The following TNR variants were observed in gnomAD, a reference collection of about 807,000 sequenced individuals.
TNR encodes the protein tenascin R.
Under a neutral mutation model 150.4 loss-of-function variants are expected in TNR, and 45 were observed. The ratio of observed to expected loss-of-function variants is 0.30; its 90% CI spans 0.24 to 0.38. TNR has a LOEUF of 0.38. Ranked by LOEUF, TNR falls within the 10% of genes least tolerant of loss-of-function variation. TNR has a pLI of 1.00. For synonymous variants in TNR, 687 were observed against 678.4 expected (o/e 1.01, Z -0.20); for missense variants, 1,544 against 1,759.1 (o/e 0.88, Z 2.19).
chr1:175,478,498 T>C (rs936234021), intron 2 of TNR, among the ~76,000 whole-genome samples: 5 of 152,160 alleles, frequency 3.3e-5, no homozygotes, highest in African/African-American at 1.2e-4. Flanking sequence ...TCAATCACCT[T>C]TGAGGTGTGG....
chr1:175,423,591 G>T (rs941738554), intron 2 of TNR, among the ~76,000 whole-genome samples: 1 of 152,146 alleles, frequency 6.6e-6, no homozygotes, highest in Non-Finnish European at 1.5e-5. Flanking sequence ...ATATTTCTTG[G>T]TTTTTCCTGT....
chr1:175,669,931 C>A (rs1327244803), intron 1 of TNR, among the ~76,000 whole-genome samples: 1 of 152,208 alleles, frequency 6.6e-6, no homozygotes, highest in Non-Finnish European at 1.5e-5. Flanking sequence ...ACAGGAAGAA[C>A]CTCAGGGTCA....
At chr1:175,371,601 A>G (rs1652107964) in intron 9 of TNR, among the ~76,000 whole-genome samples, 1 of 152,230 alleles carries the variant, frequency 6.6e-6, no homozygotes, top group African/African-American at 2.4e-5. Context: ...GAAGTAAAAA[A>G]TGAAGACTTT....
intron 1 of TNR, among the ~76,000 whole-genome samples, chr1:175,705,077 G>A (rs897075875): frequency 6.6e-5 from 10 of 152,146 alleles, no homozygotes; most frequent in African/African-American, 2.4e-4. Context: ...AAACGTGAGC[G>A]CCTGGTGTGA....
rs543054038 is a variant in TNR, at chr1:175,630,517, G to T, written c.-164-102148C>A. On this transcript the variant is annotated intron_variant, in intron 1 of 22. Coordinates refer to ENST00000367674, the MANE Select transcript of TNR (RefSeq NM_003285.3). The stretch of plus-strand genomic sequence containing the variant: ...CTTCACTACTGGTCTACAGCAATCT[G>T]CAAGGGTTCAGGATGTGACTCCACT... 9.8e-5 allele frequency among the ~76,000 whole-genome samples: 15 copies of T among 152,312 alleles called. No homozygotes were observed. In the South Asian group the frequency reaches 3.1e-3, roughly 32 times the overall value.
intron 4 of TNR, among the ~76,000 whole-genome samples, chr1:175,399,029 A>G (rs1278614393): frequency 6.6e-6 from 1 of 152,190 alleles, no homozygotes; most frequent in Non-Finnish European, 1.5e-5. Flanking sequence ...TACAATTTAG[A>G]CAGCAGGTTA....
At chr1:175,526,010 G>GT (rs1659834762) in intron 2 of TNR, among the ~76,000 whole-genome samples, 6 of 141,362 alleles carry the variant, frequency 4.2e-5, no homozygotes, top group African/African-American at 1.4e-4. Context: ...CACTTTTGCT[G>GT]GTTTTTTTTT....
At chr1:175,338,265 C>T (rs1002643828) in intron 18 of TNR, among the ~76,000 whole-genome samples, 3 of 152,200 alleles carry the variant, frequency 2.0e-5, no homozygotes, top group African/African-American at 7.2e-5. Flanking sequence ...ACTAAACAAT[C>T]AAGTAGCCAT....
At chr1:175,385,139 A>G (rs1652860222) in intron 8 of TNR, among the ~76,000 whole-genome samples, 1 of 152,180 alleles carries the variant, frequency 6.6e-6, no homozygotes, top group Non-Finnish European at 1.5e-5. Context: ...ATTATTTGAC[A>G]TGTGACCACC....
chr1:175,619,716 C>T (rs972114238), intron 1 of TNR, among the ~76,000 whole-genome samples: 2 of 152,156 alleles, frequency 1.3e-5, no homozygotes, highest in Non-Finnish European at 2.9e-5. Context: ...ACCCAATACT[C>T]GCCAGAGCAG....
At chr1:175,507,350 G>T (rs893868485) in intron 2 of TNR, among the ~76,000 whole-genome samples, 1 of 152,044 alleles carries the variant, frequency 6.6e-6, no homozygotes, top group African/African-American at 2.4e-5. Flanking sequence ...TCCCACAATG[G>T]TCTTCCCTCT....
At chr1:175,545,562 C>T (rs1246615752) in intron 1 of TNR, among the ~76,000 whole-genome samples, 1 of 152,086 alleles carries the variant, frequency 6.6e-6, no homozygotes, top group Non-Finnish European at 1.5e-5. Context: ...ACATTTGGAC[C>T]TCTGATTCCC....
intron 18 of TNR, among the ~76,000 whole-genome samples, chr1:175,339,329 G>T (rs1181627019): frequency 6.6e-6 from 1 of 152,184 alleles, no homozygotes; most frequent in African/African-American, 2.4e-5. Flanking sequence ...AAAGATTAAA[G>T]ATCTCAAAAA....
intron 2 of TNR, among the ~76,000 whole-genome samples, chr1:175,478,818 C>T (rs1171359768): frequency 6.6e-6 from 1 of 152,124 alleles, no homozygotes; most frequent in Non-Finnish European, 1.5e-5. Context: ...CTTAAGCTGT[C>T]AGCATTCTCT....
chr1:175,438,169 G>A (rs1442025508), intron 2 of TNR, among the ~76,000 whole-genome samples: 1 of 152,278 alleles, frequency 6.6e-6, no homozygotes, highest in South Asian at 2.1e-4. Flanking sequence ...ACATCAGAAA[G>A]CTTATCCACC....
At chr1:175,473,854 G>A (rs1174414326) in intron 2 of TNR, among the ~76,000 whole-genome samples, 1 of 152,120 alleles carries the variant, frequency 6.6e-6, no homozygotes, top group Non-Finnish European at 1.5e-5. Flanking sequence ...ACTTTGTCAG[G>A]TCTTTGTAAT....
intron 1 of TNR, among the ~76,000 whole-genome samples, chr1:175,606,457 G>T (rs544656290): frequency 2.0e-5 from 3 of 152,166 alleles, no homozygotes; most frequent in Non-Finnish European, 1.5e-5. Context: ...AGAACTAGAC[G>T]TAAATTAAGG....
intron 8 of TNR, among the ~76,000 whole-genome samples, chr1:175,382,016 C>T (rs1379060513): frequency 6.6e-6 from 1 of 152,242 alleles, no homozygotes; most frequent in African/African-American, 2.4e-5. Flanking sequence ...CTTAGGTCAT[C>T]TAGGTCTCAG....
At chr1:175,668,341 T>A (rs1247124331) in intron 1 of TNR, among the ~76,000 whole-genome samples, 1 of 152,094 alleles carries the variant, frequency 6.6e-6, no homozygotes, top group East Asian at 1.9e-4. Context: ...TCAGGGCAGT[T>A]GTTTGAAGAG....
Sources: gnomAD v4.1 joint callset for allele counts (sites outside exome capture counted in the v4.1 genomes callset) on GRCh38, gnomAD v4.1.1 for gene constraint, MANE v1.5 for transcripts, NCBI Gene and HGNC (gene_info 2026-07-23, HGNC 2026-07-21) for gene names.